The following OR2Z1 variants were observed in gnomAD, a reference collection of about 807,000 sequenced individuals.
The protein encoded by OR2Z1 is olfactory receptor family 2 subfamily Z member 1, also known as olfactory receptor 2Z1.
For synonymous variants in OR2Z1, 188 were observed against 160.6 expected (o/e 1.17, Z -1.29); for missense variants, 449 against 401.8 (o/e 1.12, Z -1.00).
chr19:8,731,298 T>A lies in OR2Z1; in HGVS notation c.270T>A (p.Gly90=), dbSNP rs781804986. 3 of 1,614,058 alleles carry A rather than the reference T, an allele frequency of 1.9e-6. No homozygotes were observed. Among genetic ancestry groups the A allele is most frequent in the Non-Finnish European group, 2.5e-6 (3 of 1,179,974 alleles). ...KMASDFLRGE[G]ATSYGGGAAQ... ...CATCAGACTTTCTGCGGGGAGAAGG[T>A]GCCACCTCCTATGGAGGTGGTGCAG... Residue 90 remains glycine (G), a synonymous_variant, in exon 3 of 3, where the codon GGT becomes GGA. Coordinates refer to ENST00000641125, the MANE Select transcript of OR2Z1 (RefSeq NM_001004699.3).
At chr19:8,725,689 T>C (rs1476083100) in intron 2 of OR2Z1, among the ~76,000 whole-genome samples, 2 of 152,238 alleles carry the variant, frequency 1.3e-5, no homozygotes, top group East Asian at 1.9e-4. Context: ...TCCAGTAGTA[T>C]AAAGCAGGCA....
In OR2Z1 at chr19:8,731,476, G is replaced by C. The variant is rs2043355088; in HGVS notation, c.448G>C (p.Val150Leu). ...TCTGCTGATGATGGGCTCCTCCTGGGTGGTAGGTGTGCTCAACGCCTCCAT... is the reference window on the plus strand; with the variant it reads ...TCTGCTGATGATGGGCTCCTCCTGGCTGGTAGGTGTGCTCAACGCCTCCAT... ...VCLLMMGSSWVVGVLNASIQT... is the reference protein window; with the variant it reads ...VCLLMMGSSWLVGVLNASIQT... Residue 150 changes from valine (V) to leucine (L), a missense_variant, in exon 3 of 3, where the codon GTG (valine) becomes CTG (leucine). Transcript: ENST00000641125. The C allele has an allele frequency of 1.2e-6, 2 of 1,614,064 alleles. No homozygotes were observed. The highest frequency in any genetic ancestry group is 2.2e-5 in the South Asian group (2 of 91,080).
intron 2 of OR2Z1, among the ~76,000 whole-genome samples, chr19:8,723,763 C>G (rs2043315931): frequency 6.6e-6 from 1 of 152,100 alleles, no homozygotes; most frequent in Non-Finnish European, 1.5e-5. Context: ...CAAGGCAGGT[C>G]CTGCAGAGTT....
intron 2 of OR2Z1, among the ~76,000 whole-genome samples, chr19:8,730,556 A>G (rs2043347615): frequency 6.6e-6 from 1 of 151,976 alleles, no homozygotes; most frequent in Non-Finnish European, 1.5e-5. Flanking sequence ...AGTAGCTGGG[A>G]TTACAGGCGA....
intron 2 of OR2Z1, 109 bp from the exon 3 acceptor site, chr19:8,730,751 G>A: frequency 2.0e-6 from 1 of 494,506 alleles, no homozygotes; most frequent in Non-Finnish European, 3.6e-6. Context: ...GGAGCAGTGG[G>A]TAGCTCTTCA....
intron 2 of OR2Z1, among the ~76,000 whole-genome samples, chr19:8,724,241 T>TC (rs2043318818): frequency 1.3e-5 from 2 of 151,524 alleles, no homozygotes. Flanking sequence ...TCATTTTTTT[T>TC]TAATTGAGAG....
At chr19:8,729,329 C>A in intron 2 of OR2Z1, 2 of 440,038 alleles carry the variant, frequency 4.5e-6, no homozygotes, top group Non-Finnish European at 8.2e-6. Context: ...TAAGTGAGAA[C>A]ATGTGGTATT....
At chr19:8,725,967 T>A (rs2145076966) in intron 2 of OR2Z1, among the ~76,000 whole-genome samples, 1 of 151,324 alleles carries the variant, frequency 6.6e-6, no homozygotes. Context: ...GCTACACACT[T>A]TTTTTTGGTG....
At chr19:8,723,581 T>C (rs764854938) in intron 2 of OR2Z1, among the ~76,000 whole-genome samples, 17 of 152,100 alleles carry the variant, frequency 1.1e-4, no homozygotes, top group South Asian at 4.2e-4. Context: ...GGCACTCCAT[T>C]TCATTTTTGG....
chr19:8,729,437 G>T (rs1488371365), intron 2 of OR2Z1, among the ~76,000 whole-genome samples: 3 of 149,846 alleles, frequency 2.0e-5, no homozygotes, highest in African/African-American at 7.3e-5. Context: ...CTAAGACAAG[G>T]TCTTGCTCGG....
Position 8,731,873 on chromosome 19 carries a change from C to A in OR2Z1, c.845C>A (p.Thr282Asn), listed in dbSNP as rs548312485. 1 of 1,614,080 alleles carries A rather than the reference C, an allele frequency of 6.2e-7. No homozygotes were observed. The highest frequency in any genetic ancestry group is 1.3e-5 in the African/African-American group (1 of 74,916). The change falls in exon 3 of 3, where the codon ACC (threonine) becomes AAC (asparagine). Residue 282 changes from threonine to asparagine, a missense_variant. By Grantham distance (65) the Thr-to-Asn change is moderately conservative. Transcript: ENST00000641125. ...GTTTCCCTCTTCTATAGCCTTGTCA[C>A]CCCTACACTCAACCCCCTTATCTAC... ...NVVSLFYSLV[T>N]PTLNPLIYSL...
At chr19:8,730,721 C>T (rs1272233224) in intron 2 of OR2Z1, 139 bp from the exon 3 acceptor site, 3 of 372,596 alleles carry the variant, frequency 8.1e-6, no homozygotes, top group East Asian at 1.1e-4. Flanking sequence ...TCCAGCCGAA[C>T]CTCAAATTTT....
chr19:8,724,566 C>G (rs1433789043), intron 2 of OR2Z1, among the ~76,000 whole-genome samples: 2 of 152,144 alleles, frequency 1.3e-5, no homozygotes, highest in African/African-American at 2.4e-5. Context: ...CAAGGGCTTG[C>G]TGAATATTTC....
At chr19:8,729,089 TC>T in intron 2 of OR2Z1, 3 of 1,110,188 alleles carry the variant, frequency 2.7e-6, no homozygotes, top group Non-Finnish European at 4.0e-6. Context: ...ACATGTGGGA[TC>T]TTTTTTTTAG....
At chr19:8,728,084 C>A (rs1258966526) in intron 2 of OR2Z1, among the ~76,000 whole-genome samples, 1 of 152,198 alleles carries the variant, frequency 6.6e-6, no homozygotes, top group Non-Finnish European at 1.5e-5. Context: ...CTGAGAGAAC[C>A]ACTCCTGTCC....
chr19:8,724,033 G>A (rs966160697), intron 2 of OR2Z1, among the ~76,000 whole-genome samples: 30 of 147,836 alleles, frequency 2.0e-4, no homozygotes, highest in Non-Finnish European at 3.4e-4. Context: ...TGTGTGTGAA[G>A]CAAATCTTGA....
chr19:8,726,677 C>T (rs2043328921), intron 2 of OR2Z1, among the ~76,000 whole-genome samples: 1 of 152,162 alleles, frequency 6.6e-6, no homozygotes, highest in Non-Finnish European at 1.5e-5. Context: ...GTTTTATGCC[C>T]ATTCTAGGGC....
Position 8,731,501 on chromosome 19 carries a change from T to A in OR2Z1, c.473T>A (p.Ile158Asn), listed in dbSNP as rs111473170. 1.6e-4 allele frequency: 261 copies of A among 1,614,046 alleles called. 1 individual carries two copies. Among genetic ancestry groups the A allele is most frequent in the Middle Eastern group, 1.2e-3 (7 of 6,062 alleles). The part of the protein sequence containing the change: ...SWVVGVLNAS[I>N]QTSITLHFPY... ...GTGGTAGGTGTGCTCAACGCCTCCA[T>A]CCAGACCTCCATCACCCTGCATTTT... The change falls in exon 3 of 3, where the codon ATC (isoleucine) becomes AAC (asparagine). Residue 158 changes from isoleucine to asparagine, a missense_variant. Ile to Asn is a moderately radical substitution (Grantham distance 149). Coordinates refer to ENST00000641125, the MANE Select transcript of OR2Z1 (RefSeq NM_001004699.3).
In OR2Z1 at chr19:8,732,055, C is replaced by T; in HGVS notation, c.*82C>T. On this transcript the variant is annotated 3_prime_UTR_variant, in exon 3 of 3. Coordinates refer to ENST00000641125, the MANE Select transcript of OR2Z1 (RefSeq NM_001004699.3). ...AAGTATGCATTTGGCATTCAATTGC[C>T]AATTTGTGCAACTGGCCAAATATCC... 1 of 1,076,722 alleles carries T rather than the reference C, an allele frequency of 9.3e-7. No homozygotes were observed. Among genetic ancestry groups the T allele is most frequent in the Non-Finnish European group, 1.4e-6 (1 of 736,228 alleles). The allele number at this position is 1,076,722 out of a possible 1,614,324, so 66.7% of individuals were successfully genotyped here.
Sources: allele counts gnomAD v4.1 joint callset (sites outside exome capture counted in the v4.1 genomes callset), GRCh38; gene constraint gnomAD v4.1.1; transcripts MANE v1.5; gene names NCBI Gene and HGNC (gene_info 2026-07-23, HGNC 2026-07-21).